Variants in PHLPP1 observed in about 807,000 individuals in gnomAD.
PHLPP1 encodes PH domain and leucine rich repeat protein phosphatase 1, also known as PH domain leucine-rich repeat-containing protein phosphatase 1.
In PHLPP1, 42 loss-of-function variants were observed where a neutral mutation model predicts 117.2. The observed-to-expected ratio is 0.36, with a 90% CI of 0.28 to 0.46. PHLPP1 has a LOEUF of 0.46. Ranked by LOEUF, PHLPP1 falls within the 20% of genes least tolerant of loss-of-function variation. The pLI is 1.00. For synonymous variants in PHLPP1, 1,042 were observed against 970.7 expected, an observed-to-expected ratio of 1.07 and a Z score of -1.37; for missense variants, 2,084 against 2,241.9, an observed-to-expected ratio of 0.93 and a Z score of 1.42.
intron 1 of PHLPP1, among the ~76,000 whole-genome samples, chr18:62,750,809 T>C (rs1245870791): frequency 6.6e-6 from 1 of 152,250 alleles, no homozygotes; most frequent in East Asian, 1.9e-4. Context: ...AACTCCCTGC[T>C]TTATTAAGGT....
At chr18:62,864,945 C>T (rs192874752) in intron 4 of PHLPP1, among the ~76,000 whole-genome samples, 8 of 152,300 alleles carry the variant, frequency 5.3e-5, no homozygotes, top group East Asian at 3.9e-4. Context: ...TCTTCAGTCT[C>T]GCATTTTCAC....
chr18:62,791,160 G>A (rs1913445220), intron 1 of PHLPP1, among the ~76,000 whole-genome samples: 1 of 152,088 alleles, frequency 6.6e-6, no homozygotes, highest in African/African-American at 2.4e-5. Flanking sequence ...ATAATTAGTG[G>A]TTGATTTGTA....
At chr18:62,891,065 A>G (rs1405394595) in intron 4 of PHLPP1, among the ~76,000 whole-genome samples, 1 of 152,238 alleles carries the variant, frequency 6.6e-6, no homozygotes, top group Non-Finnish European at 1.5e-5. Context: ...TGAATTTCAT[A>G]TAAACATTGA....
chr18:62,744,440 A>C (rs1911619899), intron 1 of PHLPP1, among the ~76,000 whole-genome samples: 1 of 152,268 alleles, frequency 6.6e-6, no homozygotes, highest in Non-Finnish European at 1.5e-5. Context: ...ATGTTTATTC[A>C]GAGAGTGGTC....
At position 62,814,096 on chromosome 18, in the gene PHLPP1, A is replaced by G. The variant is rs143358304; in HGVS notation, c.1577-15939A>G. On this transcript the variant is annotated intron_variant, in intron 1 of 16. Transcript: ENST00000262719. ...TGTAGGCATATTCAGGAATTTAGAG[A>G]TTATCAAAAGGTTCAGGGCATGACA... Among the ~76,000 whole-genome samples, 464 of 152,280 alleles carry G rather than the reference A, an allele frequency of 3.0e-3. 1 individual carries two copies. The highest frequency in any genetic ancestry group is 6.8e-3 in the Middle Eastern group (2 of 294).
chr18:62,901,502 G>A (rs1473428824), intron 6 of PHLPP1, among the ~76,000 whole-genome samples: 1 of 151,992 alleles, frequency 6.6e-6, no homozygotes, highest in Non-Finnish European at 1.5e-5. Flanking sequence ...TGTTTCAGTG[G>A]CTTTAGGATA....
intron 9 of PHLPP1, among the ~76,000 whole-genome samples, chr18:62,918,590 T>C (rs1291506416): frequency 6.6e-6 from 1 of 152,096 alleles, no homozygotes; most frequent in Non-Finnish European, 1.5e-5. Flanking sequence ...GGATCTTTAA[T>C]TGGGGCCTGT....
rs190932312 is a variant in PHLPP1 at position 62,840,026 on chromosome 18, C to T, written c.1899+1117C>T. 2.0e-5 allele frequency among the ~76,000 whole-genome samples: 3 copies of T among 151,996 alleles called. No individual in the cohort carries two copies. In the East Asian group the frequency reaches 5.8e-4, roughly 29 times the overall value. On this transcript the variant is annotated intron_variant, in intron 3 of 16. Transcript: ENST00000262719. ...GGAGCATTACAATGGAATATGCTTT[C>T]ATATTTTTGAATTGGTAATTTAACT...
intron 4 of PHLPP1, among the ~76,000 whole-genome samples, chr18:62,875,027 T>C (rs1049885527): frequency 3.9e-5 from 6 of 152,224 alleles, no homozygotes; most frequent in Non-Finnish European, 5.9e-5. Flanking sequence ...CGATCTTGGC[T>C]CACTGCAACT....
chr18:62,877,043 G>T (rs1916065361), intron 4 of PHLPP1, among the ~76,000 whole-genome samples: 1 of 152,178 alleles, frequency 6.6e-6, no homozygotes, highest in Admixed American at 6.5e-5. Flanking sequence ...AATGAGCGAT[G>T]AGAAACTCCT....
At chr18:62,874,140 C>T (rs1915976162) in intron 4 of PHLPP1, among the ~76,000 whole-genome samples, 2 of 149,820 alleles carry the variant, frequency 1.3e-5, no homozygotes, top group African/African-American at 4.9e-5. Context: ...GCCGAGATCA[C>T]GCCATTGCAC....
chr18:62,720,679 C>A (rs1382995324), intron 1 of PHLPP1, among the ~76,000 whole-genome samples: 1 of 151,678 alleles, frequency 6.6e-6, no homozygotes, highest in Non-Finnish European at 1.5e-5. Context: ...TTGAACAGTC[C>A]CTTTAATTTT....
intron 1 of PHLPP1, among the ~76,000 whole-genome samples, chr18:62,735,603 C>CAACAACAACAAA (rs1911349472): frequency 7.1e-6 from 1 of 140,540 alleles, no homozygotes; most frequent in Non-Finnish European, 1.7e-5. Context: ...ACAACAACAA[C>CAACAACAACAAA]AAAACCAGTT....
At chr18:62,796,424 T>A (rs1913632710) in intron 1 of PHLPP1, among the ~76,000 whole-genome samples, 1 of 152,220 alleles carries the variant, frequency 6.6e-6, no homozygotes. Flanking sequence ...GCTGCATTGC[T>A]TCCATGATGA....
At chr18:62,883,209 A>T (rs189068705) in intron 4 of PHLPP1, among the ~76,000 whole-genome samples, 3 of 152,308 alleles carry the variant, frequency 2.0e-5, no homozygotes, top group African/African-American at 4.8e-5. Context: ...AAAGGAAGAG[A>T]TTGCCAAATA....
intron 1 of PHLPP1, among the ~76,000 whole-genome samples, chr18:62,796,027 GT>G (rs1296091799): frequency 7.9e-5 from 12 of 152,160 alleles, no homozygotes; most frequent in Non-Finnish European, 1.8e-4. Context: ...TCTTTGAAAG[GT>G]TATGGAGCTT....
At chr18:62,973,079 G>T (rs1031830728) in intron 15 of PHLPP1, among the ~76,000 whole-genome samples, 16 of 152,174 alleles carry the variant, frequency 1.1e-4, no homozygotes, top group African/African-American at 3.1e-4. Flanking sequence ...ACCTCTCTTT[G>T]AAATGGACCG....
rs146675343 is a variant in PHLPP1, at chr18:62,809,466, C to T, written c.1577-20569C>T. 2.5e-3 allele frequency among the ~76,000 whole-genome samples: 383 copies of T among 152,162 alleles called. 4 individuals are homozygous for T. The East Asian group carries it at 0.03, about 12-fold the overall frequency. On this transcript the variant is annotated intron_variant, in intron 1 of 16. Transcript: ENST00000262719. ...CTGTAATCCCAGCACTTTGGGAGGC[C>T]GAGGTAGGTGGATCACAAGGTCAAG...
intron 1 of PHLPP1, among the ~76,000 whole-genome samples, chr18:62,764,926 T>C (rs1912415025): frequency 6.6e-6 from 1 of 152,240 alleles, no homozygotes; most frequent in Non-Finnish European, 1.5e-5. Context: ...TAGGACACTT[T>C]ACTGTCGTCG....
Sources: gnomAD v4.1 joint callset for allele counts (sites outside exome capture counted in the v4.1 genomes callset) on GRCh38, gnomAD v4.1.1 for gene constraint, MANE v1.5 for transcripts, NCBI Gene and HGNC (gene_info 2026-07-23, HGNC 2026-07-21) for gene names.